ERBB4: variants seen among roughly 807,000 people sequenced by gnomAD.
The protein encoded by ERBB4 is receptor tyrosine-protein kinase erbB-4.
In ERBB4, 42 loss-of-function variants were observed where a neutral mutation model predicts 158.0. The ratio of observed to expected loss-of-function variants is 0.27; its 90% CI spans 0.21 to 0.34. The LOEUF is 0.34. Ranked by LOEUF, ERBB4 falls within the 10% of genes least tolerant of loss-of-function variation. The pLI is 1.00. For synonymous variants in ERBB4, 583 were observed against 558.7 expected (o/e 1.04, Z -0.61); for missense variants, 1,333 against 1,624.1 (o/e 0.82, Z 3.08).
chr2:211,525,763 C>T (rs1382673331), intron 20 of ERBB4, among the ~76,000 whole-genome samples: 2 of 152,146 alleles, frequency 1.3e-5, no homozygotes, highest in South Asian at 2.1e-4. Flanking sequence ...CAGAGCTGAC[C>T]GAAGAGCTTT....
intron 2 of ERBB4, among the ~76,000 whole-genome samples, chr2:211,956,894 G>C (rs908623977): frequency 6.6e-6 from 1 of 151,994 alleles, no homozygotes; most frequent in Non-Finnish European, 1.5e-5. Context: ...GAGCGCAGTG[G>C]TGTGATCACA....
intron 1 of ERBB4, among the ~76,000 whole-genome samples, chr2:212,451,587 T>C (rs2092446707): frequency 6.6e-6 from 1 of 152,218 alleles, no homozygotes. Context: ...TTTAACTTAG[T>C]ATTAAAATTG....
At chr2:211,847,918 G>T (rs2077628849) in intron 3 of ERBB4, among the ~76,000 whole-genome samples, 1 of 152,040 alleles carries the variant, frequency 6.6e-6, no homozygotes, top group East Asian at 1.9e-4. Context: ...TGTGGTTATA[G>T]TAATTACTCT....
chr2:212,381,294 A>T (rs1394307278), intron 1 of ERBB4, among the ~76,000 whole-genome samples: 1 of 151,300 alleles, frequency 6.6e-6, no homozygotes, highest in East Asian at 1.9e-4. Flanking sequence ...GTTGTACCTA[A>T]ATGATTAAGT....
At chr2:211,431,254 T>A (rs1242715853) in intron 20 of ERBB4, among the ~76,000 whole-genome samples, 154 bp from the exon 21 acceptor site, 1 of 152,212 alleles carries the variant, frequency 6.6e-6, no homozygotes. Context: ...AAAACCTGAT[T>A]TGGGGGACAG....
intron 1 of ERBB4, among the ~76,000 whole-genome samples, chr2:212,483,512 A>C (rs6723428): frequency 0.012 from 1,872 of 152,330 alleles, 39 homozygotes; most frequent in African/African-American, 0.043. Context: ...TACCTAGTAA[A>C]TGAAGTTCTT....
chr2:211,985,221 C>T (rs2081907472), intron 2 of ERBB4, among the ~76,000 whole-genome samples: 1 of 151,634 alleles, frequency 6.6e-6, no homozygotes, highest in Non-Finnish European at 1.5e-5. Flanking sequence ...TGCACACTGG[C>T]AATGATATTG....
intron 20 of ERBB4, among the ~76,000 whole-genome samples, chr2:211,446,771 G>T (rs1368881727): frequency 6.6e-6 from 1 of 150,432 alleles, no homozygotes; most frequent in Non-Finnish European, 1.5e-5. Flanking sequence ...AATGAATTAG[G>T]TTTTTTTTAA....
At chr2:211,940,695 T>C (rs970952337) in intron 3 of ERBB4, among the ~76,000 whole-genome samples, 2 of 152,156 alleles carry the variant, frequency 1.3e-5, no homozygotes, top group Non-Finnish European at 2.9e-5. Flanking sequence ...CAGATCATCT[T>C]GCCAGTCATG....
At chr2:212,342,368 A>C (rs1159395532) in intron 1 of ERBB4, among the ~76,000 whole-genome samples, 1 of 152,100 alleles carries the variant, frequency 6.6e-6, no homozygotes, top group East Asian at 1.9e-4. Context: ...AAAGTGAATA[A>C]GTCTCATGAG....
At chr2:212,413,662 T>C (rs2106494922) in intron 1 of ERBB4, among the ~76,000 whole-genome samples, 1 of 152,252 alleles carries the variant, frequency 6.6e-6, no homozygotes, top group Non-Finnish European at 1.5e-5. Flanking sequence ...GAAAGGGCCC[T>C]GGGCTTGAAA....
intron 3 of ERBB4, among the ~76,000 whole-genome samples, chr2:211,913,606 AATAT>A: frequency 7.3e-6 from 1 of 136,374 alleles, no homozygotes. Context: ...ATTTCAAAAA[AATAT>A]ATATATATAT....
intron 1 of ERBB4, among the ~76,000 whole-genome samples, chr2:212,213,609 A>C (rs1471750665): frequency 1.3e-5 from 2 of 152,006 alleles, no homozygotes; most frequent in East Asian, 3.9e-4. Context: ...TATGTGATTG[A>C]TATTAGTACA....
At chr2:212,218,466 C>G (rs13420153) in intron 1 of ERBB4, among the ~76,000 whole-genome samples, 74,457 of 150,968 alleles carry the variant, frequency 0.49, 18,772 homozygotes, top group East Asian at 0.77. Flanking sequence ...ATTAAGGAAG[C>G]CTAGATGGTA....
At chr2:211,652,359 G>C (rs2071023571) in intron 16 of ERBB4, among the ~76,000 whole-genome samples, 1 of 152,104 alleles carries the variant, frequency 6.6e-6, no homozygotes, top group African/African-American at 2.4e-5. Context: ...TTATAATAAA[G>C]GGCTGTGTGC....
chr2:212,475,081 C>T lies in ERBB4; in HGVS notation c.82+63368G>A, dbSNP rs573584704. 2.6e-5 allele frequency among the ~76,000 whole-genome samples: 4 copies of T among 152,096 alleles called. No individual in the cohort carries two copies. The South Asian group carries it at 6.2e-4, about 24-fold the overall frequency. On this transcript the variant is annotated intron_variant, in intron 1 of 27. Transcript: ENST00000342788. ...TTATAGCCTCTATTTCTGTTGGTTG[C>T]GTCAATATCACCTAAGCCCTCAAGT...
chr2:211,578,730 C>T (rs2067967542), intron 19 of ERBB4, among the ~76,000 whole-genome samples: 1 of 152,258 alleles, frequency 6.6e-6, no homozygotes, highest in African/African-American at 2.4e-5. Flanking sequence ...ATACGTAGTG[C>T]TGGGAGAACT....
At chr2:212,156,729 T>A (rs1482879251) in intron 1 of ERBB4, among the ~76,000 whole-genome samples, 1 of 152,134 alleles carries the variant, frequency 6.6e-6, no homozygotes, top group African/African-American at 2.4e-5. Flanking sequence ...AACTTGCCTG[T>A]CTTCTAGTTC....
intron 2 of ERBB4, among the ~76,000 whole-genome samples, chr2:212,121,645 A>T (rs1452410777): frequency 3.3e-5 from 5 of 152,112 alleles, no homozygotes; most frequent in Admixed American, 3.3e-4. Flanking sequence ...GACGTTCTCT[A>T]CCTCTCCAGT....
Sources: gnomAD v4.1 joint callset for allele counts (sites outside exome capture counted in the v4.1 genomes callset) on GRCh38, gnomAD v4.1.1 for gene constraint, MANE v1.5 for transcripts, NCBI Gene and HGNC (gene_info 2026-07-23, HGNC 2026-07-21) for gene names.